Variants in COMMD2 observed in about 807,000 individuals in gnomAD.
COMMD2 encodes the protein COMM domain-containing protein 2.
In COMMD2, 25 loss-of-function variants were observed where a neutral mutation model predicts 22.5. The observed-to-expected ratio is 1.11, with a 90% CI of 0.81 to 1.55. The LOEUF (loss-of-function observed/expected upper bound fraction) is 1.55, where lower values mean the gene tolerates loss of function less well. Among genes scored for constraint, COMMD2 ranks in the 40% most tolerant of loss-of-function variants. COMMD2 has a pLI of 0.00. For missense variants in COMMD2, 223 were observed against 232.9 expected (o/e 0.96, Z 0.28); for synonymous variants, 98 against 91.2 (o/e 1.07, Z -0.42).
At chr3:149,748,142 G>A (rs1474175223) in intron 4 of COMMD2, among the ~76,000 whole-genome samples, 5 of 152,026 alleles carry the variant, frequency 3.3e-5, no homozygotes, top group Admixed American at 3.3e-4. Context: ...CTCATGGGGG[G>A]AAATGGGGAT....
At chr3:149,746,991 A>G (rs918040111) in intron 4 of COMMD2, among the ~76,000 whole-genome samples, 1 of 152,166 alleles carries the variant, frequency 6.6e-6, no homozygotes, top group African/African-American at 2.4e-5. Context: ...GCATGGGGAA[A>G]ACTGCTCCTA....
At chr3:149,750,521 G>A in intron 4 of COMMD2, 157 bp downstream of exon 4, 3 of 530,046 alleles carry the variant, frequency 5.7e-6, no homozygotes, top group Non-Finnish European at 9.9e-6. Context: ...GAAAATAAAA[G>A]AAAATGAATG....
At chr3:149,745,940 C>T (rs1043306276) in intron 4 of COMMD2, among the ~76,000 whole-genome samples, 1 of 152,150 alleles carries the variant, frequency 6.6e-6, no homozygotes, top group Non-Finnish European at 1.5e-5. Context: ...ACCACTCTTA[C>T]TCTAATTACT....
intron 4 of COMMD2, among the ~76,000 whole-genome samples, chr3:149,744,749 T>C (rs1290277143): frequency 2.6e-5 from 4 of 152,184 alleles, no homozygotes; most frequent in Non-Finnish European, 5.9e-5. Flanking sequence ...TAAAATCCTA[T>C]GCAATGGTTT....
intron 2 of COMMD2, chr3:149,751,783 GA>G (rs1716538827): frequency 3.6e-6 from 1 of 280,292 alleles, no homozygotes; most frequent in Admixed American, 5.0e-5. Flanking sequence ...ACTCGACAGG[GA>G]TTGACTTAAT....
rs1405945048 is a variant in COMMD2, at chr3:149,751,609, T to G, written c.146-124A>C. 3.4e-6 allele frequency: 3 copies of G among 873,618 alleles called. No individual in the cohort carries two copies. The Admixed American group carries it at 9.6e-5, about 28-fold the overall frequency. 54.1% of individuals were successfully genotyped at this position (873,618 alleles called of 1,614,324 possible). On this transcript the variant is annotated intron_variant, in intron 2 of 4. Transcript: ENST00000473414. ...TTTTCAAACACTGCATGAAAAACAG[T>G]AAGTTGGCCAGAGGCTCCTGCTCCT... is the stretch of plus-strand genomic sequence containing the variant.
chr3:149,751,487 T>A lies in COMMD2; in HGVS notation c.146-2A>T. 6.3e-7 allele frequency: 1 copy of A among 1,584,286 alleles called. No homozygotes were observed. Among genetic ancestry groups the A allele is most frequent in the Non-Finnish European group, 8.6e-7 (1 of 1,165,978 alleles). ...TGTCACTACTCACATTGAGTTTTCCTGAGAAAGAAAAGTAAAAACGAGCAA... is the reference window on the plus strand; with the variant it reads ...TGTCACTACTCACATTGAGTTTTCCAGAGAAAGAAAAGTAAAAACGAGCAA... On this transcript the variant is annotated splice_acceptor_variant, in intron 2 of 4. Transcript: ENST00000473414. LOFTEE classifies it high-confidence loss of function.
At position 149,750,783 on chromosome 3, in the gene COMMD2, C is replaced by A. The variant is rs1338199014; in HGVS notation, c.297G>T (p.Leu99Phe). The A allele has an allele frequency of 1.2e-6, 2 of 1,606,106 alleles. No individual in the cohort carries two copies. The highest frequency in any genetic ancestry group is 1.1e-5 in the South Asian group (1 of 89,896). Residue 99 changes from leucine to phenylalanine, a missense_variant, in exon 4 of 5, where the codon TTG (leucine) becomes TTT (phenylalanine). Transcript: ENST00000473414. ...TTCTGTTGTCCAGATAAAGCTGAAG[C>A]AACAATTTGTTTAATTCTTCAGAGA... ...LGFSEELNKL[L>F]LQLYLDNRKE...
chr3:149,747,009 A>G (rs1454716213), intron 4 of COMMD2, among the ~76,000 whole-genome samples: 1 of 152,168 alleles, frequency 6.6e-6, no homozygotes, highest in African/African-American at 2.4e-5. Context: ...CTATGACTCA[A>G]TTATCTCCAC....
chr3:149,741,634 TG>T lies in COMMD2; in HGVS notation c.486del (p.Val164PhefsTer23). ...LHLNQNGDHN[T>X]KVLQTDPATL... ...GTGGCTGGGTCTGTCTGCAGAACTT[TG>T]GTGTTGTGATCTCCATTTTGATTAA... On this transcript the variant is annotated frameshift_variant, in exon 5 of 5. Transcript: ENST00000473414. LOFTEE classifies it high-confidence loss of function. The T allele has an allele frequency of 1.2e-6, 2 of 1,614,078 alleles. No individual in the cohort carries two copies. The highest frequency in any genetic ancestry group is 1.7e-6 in the Non-Finnish European group (2 of 1,180,010).
At position 149,750,765 on chromosome 3, in the gene COMMD2, G is replaced by A. The variant is rs781241320; in HGVS notation, c.315C>T (p.Asp105=). ...LNKLLLQLYL[D]NRKEIRTILS... is the part of the protein sequence containing the mutation. ...GAATCGTTCTGATCTCTTTTCTGTTGTCCAGATAAAGCTGAAGCAACAATT... is the reference window on the plus strand; with the variant it reads ...GAATCGTTCTGATCTCTTTTCTGTTATCCAGATAAAGCTGAAGCAACAATT... The change falls in exon 4 of 5, where the codon GAC becomes GAT. Residue 105 remains aspartate (D), a synonymous_variant. Coordinates refer to ENST00000473414, the MANE Select transcript of COMMD2 (RefSeq NM_016094.4). The A allele has an allele frequency of 5.0e-6, 8 of 1,607,990 alleles. No homozygotes were observed. Among genetic ancestry groups the A allele is most frequent in the Non-Finnish European group, 6.8e-6 (8 of 1,176,226 alleles).
intron 2 of COMMD2, chr3:149,751,829 CACT>C (rs1209868120): frequency 2.1e-4 from 49 of 231,120 alleles, no homozygotes; most frequent in Middle Eastern, 1.3e-3. Flanking sequence ...GGTAAAACAA[CACT>C]TTTTTTTTTT....
intron 4 of COMMD2, among the ~76,000 whole-genome samples, chr3:149,746,801 G>C (rs1335782122): frequency 6.6e-6 from 1 of 152,004 alleles, no homozygotes; most frequent in Non-Finnish European, 1.5e-5. Flanking sequence ...AAAAATGAAA[G>C]AAAGAAAAGA....
At chr3:149,750,984 C>A in intron 3 of COMMD2, 133 bp from the exon 4 acceptor site, 1 of 591,714 alleles carries the variant, frequency 1.7e-6, no homozygotes, top group Non-Finnish European at 2.7e-6. Context: ...TAACCACTGA[C>A]CACCATTCCA....
At position 149,739,347 on chromosome 3, in the gene COMMD2, C is replaced by T. The variant is rs896553715; in HGVS notation, c.*2174G>A. On this transcript the variant is annotated 3_prime_UTR_variant, in exon 5 of 5. Coordinates refer to ENST00000473414, the MANE Select transcript of COMMD2 (RefSeq NM_016094.4). ...AAAAAGGAAGAGGCTTATTCAATGG[C>T]TTGTACTAAAAGATAAGCCCCAGAT... 1.3e-5 allele frequency: 2 copies of T among 152,168 alleles called. No homozygotes were observed. The highest frequency in any genetic ancestry group is 2.9e-5 in the Non-Finnish European group (2 of 68,032). The allele number at this position is 152,168 out of a possible 1,614,324, so 9.4% of individuals were successfully genotyped here. A position where few individuals can be genotyped will look rare whatever the true frequency, so the allele number is the denominator to read the frequency against.
chr3:149,749,458 A>T (rs534744908), intron 4 of COMMD2, among the ~76,000 whole-genome samples: 1 of 152,232 alleles, frequency 6.6e-6, no homozygotes. Flanking sequence ...CATTAGAATT[A>T]CCTGGGTGAA....
chr3:149,745,428 C>A (rs528773888), intron 4 of COMMD2, among the ~76,000 whole-genome samples: 1 of 152,324 alleles, frequency 6.6e-6, no homozygotes, highest in Admixed American at 6.5e-5. Context: ...AGACACAATA[C>A]TTGCCCTCCT....
At chr3:149,749,807 GTTT>G (rs778680291) in intron 4 of COMMD2, among the ~76,000 whole-genome samples, 5 of 152,062 alleles carry the variant, frequency 3.3e-5, no homozygotes, top group Non-Finnish European at 7.4e-5. Flanking sequence ...TGTTGTTGTT[GTTT>G]TTGTTTTAAA....
intron 4 of COMMD2, among the ~76,000 whole-genome samples, chr3:149,749,613 A>G (rs374116894): frequency 3.0e-4 from 45 of 152,234 alleles, no homozygotes; most frequent in African/African-American, 1.1e-3. Context: ...CAAGTGCACT[A>G]TAATACATAT....
Sources: gnomAD v4.1 joint callset for allele counts (sites outside exome capture counted in the v4.1 genomes callset) on GRCh38, gnomAD v4.1.1 for gene constraint, MANE v1.5 for transcripts, NCBI Gene and HGNC (gene_info 2026-07-23, HGNC 2026-07-21) for gene names.